CRYL1: variants seen among roughly 807,000 people sequenced by gnomAD.
CRYL1 encodes lambda-crystallin homolog.
CRYL1 carries 29 observed loss-of-function variants against 36.6 expected under a neutral mutation model. That is an observed-to-expected ratio of 0.79 (90% CI 0.59 to 1.08). The LOEUF is 1.08. Ranked by LOEUF, CRYL1 falls within the 50% of genes least tolerant of loss-of-function variation. The pLI is 0.00. For missense variants in CRYL1, 411 were observed against 407.9 expected, an observed-to-expected ratio of 1.01 and a Z score of -0.06; for synonymous variants, 152 against 151.5, an observed-to-expected ratio of 1.00 and a Z score of -0.02.
chr13:20,471,510 T>C (rs749698690), intron 3 of CRYL1, among the ~76,000 whole-genome samples: 10 of 150,882 alleles, frequency 6.6e-5, no homozygotes, highest in East Asian at 3.9e-4. Context: ...GAGGCTGAGG[T>C]AGGAGAATGG....
chr13:20,487,711 G>A (rs866218249), intron 3 of CRYL1, among the ~76,000 whole-genome samples: 1 of 152,022 alleles, frequency 6.6e-6, no homozygotes, highest in African/African-American at 2.4e-5. Flanking sequence ...CCCAGGAGGC[G>A]GAGGTTGCAA....
chr13:20,456,619 C>T (rs1593456539), intron 3 of CRYL1, among the ~76,000 whole-genome samples: 1 of 40,314 alleles, frequency 2.5e-5, no homozygotes, highest in Non-Finnish European at 5.1e-5. Context: ...CACACACACA[C>T]ACACACACAC....
intron 3 of CRYL1, among the ~76,000 whole-genome samples, chr13:20,449,487 A>G (rs1189494406): frequency 6.6e-6 from 1 of 152,252 alleles, no homozygotes; most frequent in Admixed American, 6.5e-5. Flanking sequence ...AATAAAGAGC[A>G]GATGGAACAA....
At chr13:20,431,248 G>A in intron 5 of CRYL1, 1 of 985,422 alleles carries the variant, frequency 1.0e-6, no homozygotes. Context: ...GTGTGTCCAT[G>A]CGAGTCCAAA....
intron 5 of CRYL1, chr13:20,430,911 CT>C: frequency 1.0e-6 from 1 of 985,376 alleles, no homozygotes; most frequent in Non-Finnish European, 1.2e-6. Context: ...TTGACACTGA[CT>C]GATATTCAAG....
chr13:20,487,361 T>C (rs546856464), intron 3 of CRYL1, among the ~76,000 whole-genome samples: 2 of 152,220 alleles, frequency 1.3e-5, no homozygotes, highest in Admixed American at 1.3e-4. Context: ...GGGATAAAAT[T>C]TGCAGTGCCA....
rs2031630219 is a variant in CRYL1 at position 20,415,262 on chromosome 13, C to T, written c.634-1875G>A. On this transcript the variant is annotated intron_variant, in intron 5 of 7. Coordinates refer to ENST00000298248, the MANE Select transcript of CRYL1 (RefSeq NM_015974.3). The surrounding 1 kb of genome is among the most constrained non-coding windows in gnomAD (Gnocchi z 4.1). ...GCACAGCGGCCTGCAGGGAGGCACC[C>T]TCTGCCCTGCTGCGAGCCTGGGGCG... Among the ~76,000 whole-genome samples the T allele has an allele frequency of 6.6e-6, 1 of 152,194 alleles. No individual in the cohort carries two copies. The highest frequency in any genetic ancestry group is 1.5e-5 in the Non-Finnish European group (1 of 68,014).
At chr13:20,520,556 A>T (rs897922361) in intron 1 of CRYL1, among the ~76,000 whole-genome samples, 6 of 152,140 alleles carry the variant, frequency 3.9e-5, no homozygotes, top group Non-Finnish European at 8.8e-5. Context: ...ATATCAGGTG[A>T]TTGGACTGGG....
intron 2 of CRYL1, among the ~76,000 whole-genome samples, chr13:20,493,617 G>C (rs959641533): frequency 6.6e-6 from 1 of 152,116 alleles, no homozygotes; most frequent in Non-Finnish European, 1.5e-5. Context: ...CCGAGATCAC[G>C]CCACTGCACT....
chr13:20,516,190 CA>C (rs35780379), intron 1 of CRYL1, among the ~76,000 whole-genome samples: 62 of 73,278 alleles, frequency 8.5e-4, no homozygotes, highest in African/African-American at 1.3e-3. Context: ...AACTCCATCT[CA>C]AAAAAAAAAA....
chr13:20,496,888 T>C (rs1292435529), intron 2 of CRYL1, among the ~76,000 whole-genome samples: 1 of 150,418 alleles, frequency 6.6e-6, no homozygotes, highest in Non-Finnish European at 1.5e-5. Flanking sequence ...TCAGAGATTA[T>C]TGGGAGACAA....
intron 4 of CRYL1, among the ~76,000 whole-genome samples, chr13:20,439,170 G>GT (rs1311097179): frequency 6.6e-6 from 1 of 152,098 alleles, no homozygotes; most frequent in Non-Finnish European, 1.5e-5. Flanking sequence ...TGCAAGTGAC[G>GT]TATCTATACA....
intron 3 of CRYL1, among the ~76,000 whole-genome samples, chr13:20,453,464 T>TGAAATATTCTAATATATTTGAATATTTA (rs2032615643): frequency 6.7e-6 from 1 of 150,314 alleles, no homozygotes. Context: ...TTGAATATTT[T>TGAAATATTCTAATATATTTGAATATTTA]GAAAATGAAA....
At chr13:20,521,982 T>C (rs2034105020) in intron 1 of CRYL1, among the ~76,000 whole-genome samples, 1 of 152,158 alleles carries the variant, frequency 6.6e-6, no homozygotes, top group Non-Finnish European at 1.5e-5. Context: ...TTGCTGTGTA[T>C]GTGTACAAAA....
At chr13:20,506,844 G>C (rs1344154244) in intron 2 of CRYL1, among the ~76,000 whole-genome samples, 1 of 152,198 alleles carries the variant, frequency 6.6e-6, no homozygotes, top group Non-Finnish European at 1.5e-5. Context: ...TGGCCTGTGA[G>C]ATAAGGATGT....
In CRYL1 at chr13:20,446,300, C is replaced by T. The variant is rs990921546; in HGVS notation, c.277-6546G>A. Among the ~76,000 whole-genome samples the T allele has an allele frequency of 2.6e-5, 4 of 152,132 alleles. No homozygotes were observed. The East Asian group carries it at 5.8e-4, about 22-fold the overall frequency. ...CTAATTTTTGTATTTTTAGTAGAGA[C>T]GGGTTTTTGCCATGTTGGCCAGGCT... On this transcript the variant is annotated intron_variant, in intron 3 of 7. Coordinates refer to ENST00000298248, the MANE Select transcript of CRYL1 (RefSeq NM_015974.3).
At chr13:20,476,568 C>T (rs2033171691) in intron 3 of CRYL1, among the ~76,000 whole-genome samples, 2 of 152,202 alleles carry the variant, frequency 1.3e-5, no homozygotes, top group Non-Finnish European at 2.9e-5. Flanking sequence ...AGCTCTGCGT[C>T]AGCAGATATG....
chr13:20,524,585 C>G (rs1311403665), intron 1 of CRYL1, among the ~76,000 whole-genome samples: 1 of 152,148 alleles, frequency 6.6e-6, no homozygotes, highest in Non-Finnish European at 1.5e-5. Context: ...CCATATTGGT[C>G]AGGCTGGTCT....
chr13:20,431,307 C>T (rs1410834729), intron 5 of CRYL1: 2 of 985,338 alleles, frequency 2.0e-6, no homozygotes, highest in Non-Finnish European at 2.4e-6. Flanking sequence ...GAGCAGCGTC[C>T]TCCCTACGCG....
Sources: allele counts gnomAD v4.1 joint callset (sites outside exome capture counted in the v4.1 genomes callset), GRCh38; gene constraint gnomAD v4.1.1; non-coding constraint Gnocchi (gnomAD v3.1); transcripts MANE v1.5; gene names NCBI Gene and HGNC (gene_info 2026-07-23, HGNC 2026-07-21).